BLTP1: variants seen among roughly 807,000 people sequenced by gnomAD.
BLTP1 encodes bridge-like lipid transfer protein family member 1.
At chr4:122,274,563 T>A in the BLTP1 span, 6 of 1,400,144 alleles carry the variant, frequency 4.3e-6, no homozygotes, top group Non-Finnish European at 5.5e-6. Context: ...GAGAATCCTG[T>A]CGTTAAGAAT....
the BLTP1 span, chr4:122,180,177 C>A: frequency 1.0e-6 from 1 of 985,038 alleles, no homozygotes; most frequent in Non-Finnish European, 1.2e-6. Flanking sequence ...AGGATGTGAT[C>A]CCTGTAACGT....
the BLTP1 span, among the ~76,000 whole-genome samples, chr4:122,230,589 A>G: frequency 1.6e-3 from 239 of 152,308 alleles, no homozygotes; most frequent in African/African-American, 5.5e-3. Context: ...CAGTACTACT[A>G]TCGTCTACTG....
chr4:122,313,897 A>G, the BLTP1 span: 1 of 192,770 alleles, frequency 5.2e-6, no homozygotes, highest in Non-Finnish European at 9.3e-6. Flanking sequence ...ATATATATAT[A>G]CTACAAGATG....
the BLTP1 span, among the ~76,000 whole-genome samples, chr4:122,216,055 ATG>A: frequency 6.6e-6 from 1 of 151,296 alleles, no homozygotes; most frequent in Non-Finnish European, 1.5e-5. Flanking sequence ...TGGTATATAT[ATG>A]TGTGTGTGTG....
chr4:122,285,318 ATTATTTCAATCTTGGCGTTT>A, the BLTP1 span, among the ~76,000 whole-genome samples: 1 of 152,184 alleles, frequency 6.6e-6, no homozygotes. Flanking sequence ...GAGGCCTAGG[ATTATTTCAATCTTGGCGTTT>A]TTATTTCAAT....
chr4:122,281,683 C>CA, the BLTP1 span: 1 of 1,612,908 alleles, frequency 6.2e-7, no homozygotes, highest in Non-Finnish European at 8.5e-7. Flanking sequence ...AATTCAGTGC[C>CA]ATGTTAGATG....
chr4:122,289,244 A>C, the BLTP1 span: 6 of 1,251,484 alleles, frequency 4.8e-6, no homozygotes, highest in African/African-American at 6.0e-5. Flanking sequence ...ATTCTCATTG[A>C]GCGTGTGATA....
chr4:122,293,064 G>A, the BLTP1 span: 1 of 942,272 alleles, frequency 1.1e-6, no homozygotes, highest in Non-Finnish European at 1.3e-6. Context: ...AAAATATGAG[G>A]CTAGCTATAA....
At chr4:122,338,363 C>T in the BLTP1 span, among the ~76,000 whole-genome samples, 4 of 151,818 alleles carry the variant, frequency 2.6e-5, no homozygotes, top group Non-Finnish European at 1.5e-5. Context: ...GTCCTAGCAA[C>T]TTGGGAGGCT....
chr4:122,158,038 A>G, the BLTP1 span, among the ~76,000 whole-genome samples: 1 of 152,170 alleles, frequency 6.6e-6, no homozygotes, highest in Non-Finnish European at 1.5e-5. Flanking sequence ...AAGATATGAG[A>G]AAAGCCTAAA....
the BLTP1 span, among the ~76,000 whole-genome samples, chr4:122,279,172 C>G: frequency 6.6e-6 from 1 of 152,122 alleles, no homozygotes; most frequent in Non-Finnish European, 1.5e-5. Context: ...AAAGTTTGCT[C>G]AACTTTGATT....
At chr4:122,354,064 T>G in the BLTP1 span, 1 of 1,523,008 alleles carries the variant, frequency 6.6e-7, no homozygotes, top group Non-Finnish European at 9.0e-7. Flanking sequence ...TTTTTCCATT[T>G]TGGATTCTGT....
chr4:122,222,866 A>AT, the BLTP1 span: 1 of 372,970 alleles, frequency 2.7e-6, no homozygotes, highest in Non-Finnish European at 3.7e-6. Context: ...GAGGGATGCC[A>AT]TTCAACCCAC....
the BLTP1 span, chr4:122,360,064 T>C: frequency 4.1e-6 from 4 of 984,600 alleles, no homozygotes; most frequent in African/African-American, 7.0e-5. Context: ...CTGTAAACTG[T>C]TTTGTTACTT....
the BLTP1 span, chr4:122,237,981 C>CAA: frequency 0.13 from 104,294 of 772,832 alleles, 389 homozygotes; most frequent in Middle Eastern, 0.17. Context: ...GACTCCATCT[C>CAA]AAAAAAAAAA....
At chr4:122,170,784 G>C in the BLTP1 span, 1 of 1,429,738 alleles carries the variant, frequency 7.0e-7, no homozygotes, top group Non-Finnish European at 9.6e-7. Flanking sequence ...TGTGTTTTAA[G>C]TATGGATTAA....
the BLTP1 span, among the ~76,000 whole-genome samples, chr4:122,332,664 G>T: frequency 2.8e-5 from 4 of 144,330 alleles, no homozygotes; most frequent in East Asian, 8.1e-4. Flanking sequence ...AAGTTTTAGG[G>T]TACATGTGCA....
At chr4:122,225,026 A>T in the BLTP1 span, 1 of 989,894 alleles carries the variant, frequency 1.0e-6, no homozygotes, top group Non-Finnish European at 1.2e-6. Context: ...GAAAAATCTT[A>T]TTTTTCTACT....
the BLTP1 span, chr4:122,304,739 G>A: frequency 4.5e-6 from 7 of 1,571,758 alleles, no homozygotes; most frequent in South Asian, 3.5e-5. Context: ...CTACATTTGA[G>A]TAGGTATATG....
Sources: allele counts gnomAD v4.1 joint callset (sites outside exome capture counted in the v4.1 genomes callset), GRCh38; gene constraint gnomAD v4.1.1; transcripts MANE v1.5; gene names NCBI Gene and HGNC (gene_info 2026-07-23, HGNC 2026-07-21).